The following ATXN10 variants were observed in gnomAD, a reference collection of about 807,000 sequenced individuals.
The protein encoded by ATXN10 is ataxin-10.
A neutral mutation model predicts 52.9 loss-of-function variants in ATXN10; 28 were observed. The ratio of observed to expected loss-of-function variants is 0.53; its 90% CI spans 0.39 to 0.73. ATXN10 has a LOEUF of 0.73. Among genes scored for constraint, ATXN10 ranks in the 30% least tolerant of loss-of-function variants. The probability of loss-of-function intolerance (pLI) is 0.00; values close to 1 mark genes in which losing one functional copy is unlikely to be tolerated. For synonymous variants in ATXN10, 226 were observed against 221.5 expected, an observed-to-expected ratio of 1.02 and a Z score of -0.18; for missense variants, 565 against 577.0, an observed-to-expected ratio of 0.98 and a Z score of 0.21.
chr22:45,829,949 C>T (rs1443601775), intron 10 of ATXN10, among the ~76,000 whole-genome samples: 2 of 152,174 alleles, frequency 1.3e-5, no homozygotes, highest in Non-Finnish European at 2.9e-5. Context: ...GGAAGACTCA[C>T]ACTTCCTGAT....
chr22:45,796,689 G>C (rs1189922225), intron 9 of ATXN10, among the ~76,000 whole-genome samples: 5 of 152,154 alleles, frequency 3.3e-5, no homozygotes, highest in Admixed American at 3.3e-4. Context: ...CGATAGATGG[G>C]GTTTCACCGT....
rs974163272 is a variant in ATXN10 at position 45,790,696 on chromosome 22, G to C, written c.1174-16263G>C. On this transcript the variant is annotated intron_variant, in intron 9 of 11. Transcript: ENST00000252934. This position sits in a 1 kb window ranked among gnomAD's most constrained non-coding sequence, Gnocchi z 4.7. ...CTTGCTTCTCTCATGGGTTTTGTAG[G>C]ACCCAATCACAGTTTCTGTTCAAAT... 2.0e-5 allele frequency among the ~76,000 whole-genome samples: 3 copies of C among 152,094 alleles called. No homozygotes were observed. The highest frequency in any genetic ancestry group is 7.2e-5 in the African/African-American group (3 of 41,412).
At position 45,780,284 on chromosome 22, in the gene ATXN10, A is replaced by G. The variant is rs940662651; in HGVS notation, c.1174-26675A>G. Among the ~76,000 whole-genome samples, 1 of 152,162 alleles carries G rather than the reference A, an allele frequency of 6.6e-6. No homozygotes were observed. ...TTTTTAGTAGAGATAGGGTTTCACCATGGTGGCCAGGCTGGTCTTGAACTC... is the reference window on the plus strand; with the variant it reads ...TTTTTAGTAGAGATAGGGTTTCACCGTGGTGGCCAGGCTGGTCTTGAACTC... On this transcript the variant is annotated intron_variant, in intron 9 of 11. Coordinates refer to ENST00000252934, the MANE Select transcript of ATXN10 (RefSeq NM_013236.4). The surrounding 1 kb of genome is among the most constrained non-coding windows in gnomAD (Gnocchi z 4.0).
chr22:45,688,181 T>C lies in ATXN10; in HGVS notation c.117-1531T>C, dbSNP rs532168682. 6.6e-6 allele frequency among the ~76,000 whole-genome samples: 1 copy of C among 152,364 alleles called. No homozygotes were observed. The highest frequency in any genetic ancestry group is 2.1e-4 in the South Asian group (1 of 4,830). ...AAGATTAGTGCTGTACCCTTGAATT[T>C]TCATTTCTTAATTTGGTCACTCAGT... On this transcript the variant is annotated intron_variant, in intron 1 of 11. Transcript: ENST00000252934. The surrounding 1 kb of genome is among the most constrained non-coding windows in gnomAD (Gnocchi z 4.0).
rs1236086154 is a variant in ATXN10 at position 45,763,279 on chromosome 22, CAG to C, written c.1173+22745_1173+22746del. Among the ~76,000 whole-genome samples, 1 of 152,056 alleles carries C rather than the reference CAG, an allele frequency of 6.6e-6. No individual in the cohort carries two copies. Among genetic ancestry groups the C allele is most frequent in the Non-Finnish European group, 1.5e-5 (1 of 67,998 alleles). On this transcript the variant is annotated intron_variant, in intron 9 of 11. Coordinates refer to ENST00000252934, the MANE Select transcript of ATXN10 (RefSeq NM_013236.4). This position sits in a 1 kb window ranked among gnomAD's most constrained non-coding sequence, Gnocchi z 6.9. ...TGAGGTGGGCCTGGCGTGTTCAAGGCAGAGAAGGAAGGAACGAGGGAACTGGC... is the reference window on the plus strand; with the variant it reads ...TGAGGTGGGCCTGGCGTGTTCAAGGCAGAAGGAAGGAACGAGGGAACTGGC...
rs755659297 is a variant in ATXN10 at position 45,805,461 on chromosome 22, T to C, written c.1174-1498T>C. ...TGGAAATAACACAAATGTCCATTAG[T>C]GGGTGAATGGAAAAATGCAATGTGG... On this transcript the variant is annotated intron_variant, in intron 9 of 11. Coordinates refer to ENST00000252934, the MANE Select transcript of ATXN10 (RefSeq NM_013236.4). This position sits in a 1 kb window ranked among gnomAD's most constrained non-coding sequence, Gnocchi z 4.4. Among the ~76,000 whole-genome samples, 1 of 152,080 alleles carries C rather than the reference T, an allele frequency of 6.6e-6. No individual in the cohort carries two copies.
chr22:45,743,232 A>G (rs777560100), intron 9 of ATXN10, among the ~76,000 whole-genome samples: 1 of 152,204 alleles, frequency 6.6e-6, no homozygotes, highest in Non-Finnish European at 1.5e-5. Context: ...TATCAACTCA[A>G]ATGCCCTCTG....
At chr22:45,722,804 G>GA (rs995834473) in intron 6 of ATXN10, among the ~76,000 whole-genome samples, 6 of 152,024 alleles carry the variant, frequency 3.9e-5, no homozygotes, top group Non-Finnish European at 8.8e-5. Flanking sequence ...CTGCCCATTT[G>GA]GGATCTGCCC....
intron 9 of ATXN10, chr22:45,760,389 T>G (rs1052140659): frequency 5.8e-5 from 9 of 154,000 alleles, no homozygotes; most frequent in African/African-American, 2.2e-4. Context: ...TTCTGAGTGC[T>G]TACCATGTGC....
chr22:45,740,700 AC>A, intron 9 of ATXN10, 162 bp downstream of exon 9: 1 of 417,346 alleles, frequency 2.4e-6, no homozygotes, highest in Non-Finnish European at 4.3e-6. Flanking sequence ...ACACACACAC[AC>A]ACACACACAC....
In ATXN10 at chr22:45,718,489, G is replaced by T. The variant is rs1924532008; in HGVS notation, c.724G>T (p.Glu242Ter). Residue 242 changes from glutamate (E) to a stop codon, truncating the protein, a stop_gained, in exon 6 of 12, where the codon GAA becomes TAA. Transcript: ENST00000252934. LOFTEE classifies it high-confidence loss of function. This position sits in a 1 kb window ranked among gnomAD's most constrained non-coding sequence, Gnocchi z 4.4. ...QAMFPKLNNQ[E>*]RVTLLDLMIA... is the part of the protein sequence containing the mutation. ...CATGTTTCCCAAACTGAACAATCAA[G>T]AAAGGTAACCCCCCAACCAGCGTGG... 2 of 1,613,124 alleles carry T rather than the reference G, an allele frequency of 1.2e-6. No individual in the cohort carries two copies. The highest frequency in any genetic ancestry group is 1.7e-6 in the Non-Finnish European group (2 of 1,179,342).
intron 10 of ATXN10, 54 bp downstream of exon 10, chr22:45,807,076 A>G (rs1928123577): frequency 6.9e-7 from 1 of 1,451,572 alleles, no homozygotes; most frequent in Admixed American, 1.7e-5. Flanking sequence ...GCCCTTAGCA[A>G]AACAAGTCCC....
chr22:45,679,285 C>T (rs1922823605), intron 1 of ATXN10: 2 of 152,138 alleles, frequency 1.3e-5, no homozygotes, highest in Admixed American at 1.3e-4. Context: ...TTCTTGAACA[C>T]CTGATTTTCT....
chr22:45,737,360 G>A (rs951613155), intron 7 of ATXN10, among the ~76,000 whole-genome samples: 4 of 152,174 alleles, frequency 2.6e-5, no homozygotes, highest in Non-Finnish European at 5.9e-5. Flanking sequence ...GGTATCTCAC[G>A]ATAACAATCT....
rs1171991956 is a variant in ATXN10 at position 45,789,207 on chromosome 22, ATTAT to A, written c.1174-17745_1174-17742del. ...TCTCAATCTCTAGTAGATCATCTTA[ATTAT>A]TTATTTTATAGGAATTACCATAATT... On this transcript the variant is annotated intron_variant, in intron 9 of 11. Transcript: ENST00000252934. The surrounding 1 kb of genome is among the most constrained non-coding windows in gnomAD (Gnocchi z 4.0). Among the ~76,000 whole-genome samples, 2 of 152,260 alleles carry A rather than the reference ATTAT, an allele frequency of 1.3e-5. No homozygotes were observed. Among genetic ancestry groups the A allele is most frequent in the Non-Finnish European group, 2.9e-5 (2 of 68,030 alleles).
At chr22:45,817,968 C>T (rs189623012) in intron 10 of ATXN10, among the ~76,000 whole-genome samples, 7 of 152,252 alleles carry the variant, frequency 4.6e-5, no homozygotes, top group East Asian at 3.9e-4. Context: ...ACCTTAGCAA[C>T]GGGCTCCCAG....
chr22:45,818,621 C>T lies in ATXN10; in HGVS notation c.1237+11599C>T, dbSNP rs1928544565. On this transcript the variant is annotated intron_variant, in intron 10 of 11. Coordinates refer to ENST00000252934, the MANE Select transcript of ATXN10 (RefSeq NM_013236.4). The surrounding 1 kb of genome is among the most constrained non-coding windows in gnomAD (Gnocchi z 4.6). ...GGGGCAGGGATCAGGGATCAACAGC[C>T]TGGGGCAGGGATCAGGGATCAGGGG... Among the ~76,000 whole-genome samples the T allele has an allele frequency of 6.6e-6, 1 of 150,526 alleles. No homozygotes were observed. The highest frequency in any genetic ancestry group is 2.5e-5 in the African/African-American group (1 of 40,068).
At chr22:45,776,680 A>G (rs1443115878) in intron 9 of ATXN10, among the ~76,000 whole-genome samples, 1 of 151,066 alleles carries the variant, frequency 6.6e-6, no homozygotes, top group Non-Finnish European at 1.5e-5. Flanking sequence ...TTCTCAATAG[A>G]GAAAATGAAA....
At position 45,841,561 on chromosome 22, in the gene ATXN10, G is replaced by A. The variant is rs564412121; in HGVS notation, c.1238-1430G>A. ...GAGAGGACCCTGGGCCAGCTCACCC[G>A]GTGTGTATTGGAGGGACTAAGATGG... is the stretch of plus-strand genomic sequence containing the variant. On this transcript the variant is annotated intron_variant, in intron 10 of 11. Transcript: ENST00000252934. This position sits in a 1 kb window ranked among gnomAD's most constrained non-coding sequence, Gnocchi z 5.1. 3.3e-5 allele frequency among the ~76,000 whole-genome samples: 5 copies of A among 152,332 alleles called. No homozygotes were observed. The highest frequency in any genetic ancestry group is 4.1e-4 in the South Asian group (2 of 4,822).
Sources: allele counts gnomAD v4.1 joint callset (sites outside exome capture counted in the v4.1 genomes callset), GRCh38; gene constraint gnomAD v4.1.1; non-coding constraint Gnocchi (gnomAD v3.1); transcripts MANE v1.5; gene names NCBI Gene and HGNC (gene_info 2026-07-23, HGNC 2026-07-21).